The following DNAH8 variants were observed in gnomAD, a reference collection of about 807,000 sequenced individuals.
DNAH8 encodes dynein axonemal heavy chain 8, also known as axonemal beta dynein heavy chain 8.
A neutral mutation model predicts 562.1 loss-of-function variants in DNAH8; 382 were observed. That is an observed-to-expected ratio of 0.68 (90% CI 0.63 to 0.74). The LOEUF (loss-of-function observed/expected upper bound fraction) is 0.74. DNAH8 is among the 30% of genes least tolerant of loss of function. The pLI is 0.00. For synonymous variants in DNAH8, 1,881 were observed against 1,919.4 expected, an observed-to-expected ratio of 0.98 and a Z score of 0.52; for missense variants, 5,203 against 5,620.4, an observed-to-expected ratio of 0.93 and a Z score of 2.37.
chr6:38,756,100 A>G, intron 10 of DNAH8, 21 bp downstream of exon 10: 1 of 1,373,492 alleles, frequency 7.3e-7, no homozygotes, highest in Non-Finnish European at 1.0e-6. Context: ...GTGGGAGGAA[A>G]TTACATGTCA....
At chr6:38,852,560 GTC>G in intron 39 of DNAH8, 132 bp from the exon 40 acceptor site, 1 of 616,980 alleles carries the variant, frequency 1.6e-6, no homozygotes. Context: ...TCAAAGCAGA[GTC>G]TCTCTCTATT....
chr6:38,881,106 A>G (rs1343080297), intron 53 of DNAH8, among the ~76,000 whole-genome samples: 1 of 145,128 alleles, frequency 6.9e-6, no homozygotes, highest in Non-Finnish European at 1.5e-5. Flanking sequence ...AAGGTTAATA[A>G]TGCCAAATAT....
At position 38,872,787 on chromosome 6, in the gene DNAH8, A is replaced by C; in HGVS notation, c.7237+5A>C. The C allele has an allele frequency of 6.2e-7, 1 of 1,613,948 alleles. No homozygotes were observed. The highest frequency in any genetic ancestry group is 8.5e-7 in the Non-Finnish European group (1 of 1,179,916). ...AAACATTAAAAGCTAAAAAAGGTAT[A>C]CACAAACCTCCTTTGTGATCATTTT... is the stretch of plus-strand genomic sequence containing the variant. On this transcript the variant is annotated splice_donor_5th_base_variant and intron_variant, in intron 50 of 92. Transcript: ENST00000327475.
At chr6:38,807,559 C>G (rs745354827) in intron 23 of DNAH8, 51 bp from the exon 24 acceptor site, 4 of 979,172 alleles carry the variant, frequency 4.1e-6, no homozygotes, top group East Asian at 2.8e-5. Context: ...TGGGGATGCT[C>G]TAGGTTTTTT....
Position 38,842,400 on chromosome 6 carries a change from G to T in DNAH8, c.4499G>T (p.Gly1500Val), listed in dbSNP as rs1774879742. 1 of 1,610,860 alleles carries T rather than the reference G, an allele frequency of 6.2e-7. No individual in the cohort carries two copies. Among genetic ancestry groups the T allele is most frequent in the Non-Finnish European group, 8.5e-7 (1 of 1,178,792 alleles). Residue 1500 changes from glycine (G) to valine (V), a missense_variant, in exon 34 of 93, where the codon GGA becomes GTA. Coordinates refer to ENST00000327475, the MANE Select transcript of DNAH8 (RefSeq NM_001206927.2). ...CTCAACTTGCTGCAGAAGCTGTATG[G>T]ATTGTATGACACCGTAATGAGCAGT... ...KELNLLQKLY[G>V]LYDTVMSSIS...
At chr6:38,775,977 T>G (rs375913396) in intron 13 of DNAH8, 26 bp downstream of exon 13, 2 of 1,485,430 alleles carry the variant, frequency 1.3e-6, no homozygotes, top group Admixed American at 1.7e-5. Flanking sequence ...TACTTTTACT[T>G]AGTAAAGCTG....
In DNAH8 at chr6:38,733,085, T is replaced by C. The variant is rs533643911; in HGVS notation, c.611-1389T>C. ...TAAAAATTATTTTGTATTGACAAGG[T>C]CTTACTGTGTTGCCCAGGTTGGTCT... On this transcript the variant is annotated intron_variant, in intron 4 of 92. Transcript: ENST00000327475. Among the ~76,000 whole-genome samples the C allele has an allele frequency of 1.6e-3, 242 of 152,212 alleles. 1 individual carries two copies. The highest frequency in any genetic ancestry group is 3.0e-3 in the Non-Finnish European group (205 of 68,012).
intron 91 of DNAH8, among the ~76,000 whole-genome samples, chr6:39,022,707 T>C (rs1767009245): frequency 6.6e-6 from 1 of 152,170 alleles, no homozygotes; most frequent in African/African-American, 2.4e-5. Flanking sequence ...TCTGGTCGTG[T>C]GATCCCAGGG....
intron 21 of DNAH8, among the ~76,000 whole-genome samples, chr6:38,797,799 G>T (rs1377786816): frequency 6.6e-6 from 1 of 152,114 alleles, no homozygotes; most frequent in Non-Finnish European, 1.5e-5. Context: ...AGAAGGTAAC[G>T]CTGGCTACCG....
intron 5 of DNAH8, among the ~76,000 whole-genome samples, chr6:38,736,665 C>T (rs1038899377): frequency 2.6e-5 from 4 of 151,642 alleles, no homozygotes; most frequent in African/African-American, 9.7e-5. Context: ...TGGTTTCTTA[C>T]GGCTGGTAAT....
rs1052112369 is a variant in DNAH8 at position 38,727,106 on chromosome 6, C to T, written c.526-2796C>T. 5.1e-4 allele frequency among the ~76,000 whole-genome samples: 78 copies of T among 152,004 alleles called. 4 individuals carry two copies. Among genetic ancestry groups the T allele is most frequent in the Non-Finnish European group, 1.3e-4 (9 of 68,004 alleles). ...CTCCTGACCTCAAGTGATCCACCAGCCTTGACCTCCCAAAGGGCTGGGATT... is the reference window on the plus strand; with the variant it reads ...CTCCTGACCTCAAGTGATCCACCAGTCTTGACCTCCCAAAGGGCTGGGATT... On this transcript the variant is annotated intron_variant, in intron 3 of 92. Coordinates refer to ENST00000327475, the MANE Select transcript of DNAH8 (RefSeq NM_001206927.2).
intron 24 of DNAH8, among the ~76,000 whole-genome samples, chr6:38,812,475 A>G (rs538037671): frequency 1.3e-5 from 2 of 152,324 alleles, no homozygotes; most frequent in South Asian, 2.1e-4. Context: ...TTATGCCCAC[A>G]CACGAACGCT....
intron 21 of DNAH8, among the ~76,000 whole-genome samples, chr6:38,795,465 A>G (rs1414638057): frequency 1.3e-5 from 2 of 152,096 alleles, no homozygotes; most frequent in African/African-American, 4.8e-5. Context: ...CTGTAGTCCC[A>G]GCTACTTGGG....
At chr6:38,829,608 A>G (rs1478163755) in intron 30 of DNAH8, among the ~76,000 whole-genome samples, 3 of 152,204 alleles carry the variant, frequency 2.0e-5, no homozygotes, top group African/African-American at 7.2e-5. Flanking sequence ...TCACCAACAA[A>G]TTGTCTTGGT....
chr6:38,769,099 GT>G (rs1300600175), intron 11 of DNAH8, among the ~76,000 whole-genome samples: 3 of 152,140 alleles, frequency 2.0e-5, no homozygotes, highest in Non-Finnish European at 4.4e-5. Flanking sequence ...CATCTGAAAT[GT>G]TTTCAGGAAA....
chr6:38,825,795 T>C (rs1773261999), intron 28 of DNAH8, among the ~76,000 whole-genome samples: 1 of 152,082 alleles, frequency 6.6e-6, no homozygotes, highest in Non-Finnish European at 1.5e-5. Flanking sequence ...TAGATTTCAC[T>C]CCACCTCATG....
intron 74 of DNAH8, among the ~76,000 whole-genome samples, chr6:38,927,088 TC>T (rs1782181558): frequency 6.6e-6 from 1 of 152,218 alleles, no homozygotes; most frequent in African/African-American, 2.4e-5. Context: ...GAGTAGGAAT[TC>T]TGATATTTAT....
At position 38,896,179 on chromosome 6, in the gene DNAH8, A is replaced by G. The variant is rs1403732213; in HGVS notation, c.8894A>G (p.Asp2965Gly). 2 of 1,614,112 alleles carry G rather than the reference A, an allele frequency of 1.2e-6. No individual in the cohort carries two copies. Among genetic ancestry groups the G allele is most frequent in the Non-Finnish European group, 1.7e-6 (2 of 1,179,988 alleles). ...FLREMPEPTG[D>G]EPEDSVFEVP... ...CGTGAGATGCCAGAACCAACTGGTG[A>G]TGAACCTGAAGACTCTGTGTTTGAA... The change falls in exon 60 of 93, where the codon GAT (aspartate) becomes GGT (glycine). Residue 2965 changes from aspartate to glycine, a missense_variant. Physicochemically the swap from Asp to Gly is moderately conservative, Grantham distance 94. This residue lies in a region of DNAH8 where 977 missense variants were observed against 1,061.8 expected (regional missense o/e 0.92). Coordinates refer to ENST00000327475, the MANE Select transcript of DNAH8 (RefSeq NM_001206927.2).
intron 21 of DNAH8, among the ~76,000 whole-genome samples, chr6:38,796,712 A>C (rs1009015350): frequency 2.0e-5 from 3 of 152,140 alleles, no homozygotes; most frequent in Admixed American, 2.0e-4. Flanking sequence ...TTGTTCAGTC[A>C]ATCACAATCC....
Sources: gnomAD v4.1 joint callset for allele counts (sites outside exome capture counted in the v4.1 genomes callset) on GRCh38, gnomAD v4.1.1 for gene constraint, gnomAD v4.1.1 regional missense constraint, MANE v1.5 for transcripts, NCBI Gene and HGNC (gene_info 2026-07-23, HGNC 2026-07-21) for gene names.